USH2A: variants seen among roughly 807,000 people sequenced by gnomAD.
The protein encoded by USH2A is usherin.
Under a neutral mutation model 538.9 loss-of-function variants are expected in USH2A, and 443 were observed. That is an observed-to-expected ratio of 0.82 (90% CI 0.76 to 0.89). The LOEUF is 0.89. Ranked by LOEUF, USH2A falls within the 40% of genes least tolerant of loss-of-function variation. The probability of loss-of-function intolerance (pLI) is 0.00; values close to 1 mark genes in which losing one functional copy is unlikely to be tolerated. For synonymous variants in USH2A, 2,413 were observed against 2,273.5 expected (o/e 1.06, Z -1.75); for missense variants, 6,633 against 6,324.8 (o/e 1.05, Z -1.65).
chr1:216,321,586 T>G (rs947046138), intron 9 of USH2A, among the ~76,000 whole-genome samples: 2 of 152,158 alleles, frequency 1.3e-5, no homozygotes, highest in African/African-American at 4.8e-5. Flanking sequence ...CATTAAAAAT[T>G]GTTTTATAAA....
intron 21 of USH2A, among the ~76,000 whole-genome samples, chr1:216,160,585 A>G (rs536718525): frequency 5.7e-4 from 84 of 146,096 alleles, no homozygotes; most frequent in Middle Eastern, 7.0e-3. Flanking sequence ...CAGCCTGAGC[A>G]ACACAGTAAG....
intron 47 of USH2A, among the ~76,000 whole-genome samples, chr1:215,832,780 G>GA (rs1342673771): frequency 2.6e-5 from 4 of 151,836 alleles, no homozygotes; most frequent in Middle Eastern, 3.4e-3. Flanking sequence ...GATTGGAAAT[G>GA]AAAAAAATAA....
chr1:216,023,459 C>CAAAAAAAAAAAAAAAAAAAAAAAAAAAA, intron 32 of USH2A, among the ~76,000 whole-genome samples: 20 of 46,950 alleles, frequency 4.3e-4, no homozygotes, highest in East Asian at 1.6e-3. Context: ...TCAAAGCAGA[C>CAAAAAAAAAAAAAAAAAAAAAAAAAAAA]AAAAAAAAAA....
At chr1:216,172,470 A>G (rs1320591691) in intron 21 of USH2A, among the ~76,000 whole-genome samples, 1 of 152,080 alleles carries the variant, frequency 6.6e-6, no homozygotes, top group African/African-American at 2.4e-5. Flanking sequence ...GTTTATCTTA[A>G]AGTTATTAAC....
At chr1:216,379,064 A>G (rs1251823981) in intron 3 of USH2A, among the ~76,000 whole-genome samples, 1 of 152,124 alleles carries the variant, frequency 6.6e-6, no homozygotes, top group Admixed American at 6.5e-5. Flanking sequence ...CTTAGAGCCC[A>G]CACTCTGTGC....
chr1:216,403,100 T>A (rs116350977), intron 3 of USH2A, among the ~76,000 whole-genome samples: 2,962 of 152,242 alleles, frequency 0.019, 97 homozygotes, highest in African/African-American at 0.067. Context: ...CCAAGTAGGA[T>A]TTATTTCAGG....
intron 38 of USH2A, among the ~76,000 whole-genome samples, chr1:215,915,329 A>T (rs541379951): frequency 1.1e-4 from 16 of 152,226 alleles, no homozygotes; most frequent in African/African-American, 3.8e-4. Context: ...TCCAACACAC[A>T]GGAACCTAAA....
At chr1:216,175,036 A>G in intron 21 of USH2A, 2 of 1,392,828 alleles carry the variant, frequency 1.4e-6, no homozygotes, top group Non-Finnish European at 1.9e-6. Flanking sequence ...CTTCATCTTC[A>G]TCTTTTATTT....
At chr1:215,718,716 T>C (rs1314949273) in intron 61 of USH2A, among the ~76,000 whole-genome samples, 3 of 135,342 alleles carry the variant, frequency 2.2e-5, no homozygotes, top group African/African-American at 8.2e-5. Context: ...GCTAAGGATA[T>C]GATCTCTTGG....
chr1:216,289,327 C>G lies in USH2A; in HGVS notation c.1924G>C (p.Asp642His), dbSNP rs1363062252. ...PSAIDVCKPC[D>H]CDTVGTRNGS... ...TTTCTAGTGCCAACTGTATCACAGTCACAGGGTTTGCAAACATCTATGGCC... is the reference window on the plus strand; with the variant it reads ...TTTCTAGTGCCAACTGTATCACAGTGACAGGGTTTGCAAACATCTATGGCC... The change falls in exon 11 of 72, where the codon GAC (aspartate) becomes CAC (histidine). Residue 642 changes from aspartate (D) to histidine (H), a missense_variant. Asp to His is a moderately conservative substitution (Grantham distance 81). Coordinates refer to ENST00000307340, the MANE Select transcript of USH2A (RefSeq NM_206933.4). The G allele has an allele frequency of 1.2e-6, 2 of 1,613,994 alleles. No individual in the cohort carries two copies. The highest frequency in any genetic ancestry group is 1.7e-6 in the Non-Finnish European group (2 of 1,179,880).
chr1:215,812,621 G>A (rs1662728073), intron 49 of USH2A, among the ~76,000 whole-genome samples: 1 of 151,994 alleles, frequency 6.6e-6, no homozygotes. Flanking sequence ...CTTTCCTATG[G>A]CCTCCAAAAA....
intron 32 of USH2A, among the ~76,000 whole-genome samples, chr1:216,019,863 TA>T (rs1156607614): frequency 2.0e-5 from 3 of 152,212 alleles, no homozygotes; most frequent in African/African-American, 7.2e-5. Flanking sequence ...TGTAAATAAA[TA>T]TCCTATTAGA....
chr1:216,321,776 T>A, intron 9 of USH2A, 107 bp downstream of exon 9: 6 of 1,050,160 alleles, frequency 5.7e-6, no homozygotes, highest in Non-Finnish European at 8.8e-6. Context: ...TTCATATCAG[T>A]TTTTAAATTT....
chr1:215,768,142 C>T (rs138492939), intron 55 of USH2A, among the ~76,000 whole-genome samples: 45 of 152,272 alleles, frequency 3.0e-4, no homozygotes, highest in African/African-American at 1.1e-3. Flanking sequence ...ATTTTGACCA[C>T]TTTATCTAAA....
intron 27 of USH2A, 21 bp from the exon 28 acceptor site, chr1:216,073,321 A>C: frequency 6.5e-7 from 1 of 1,544,124 alleles, no homozygotes; most frequent in Non-Finnish European, 8.7e-7. Context: ...GTAAGGGATT[A>C]GTATCGCATA....
At chr1:216,197,647 A>G (rs1407817321) in intron 18 of USH2A, among the ~76,000 whole-genome samples, 1 of 152,222 alleles carries the variant, frequency 6.6e-6, no homozygotes, top group African/African-American at 2.4e-5. Flanking sequence ...TGATATCTAC[A>G]GATTAAACAC....
chr1:215,692,869 T>C (rs1345103049), intron 61 of USH2A, among the ~76,000 whole-genome samples: 2 of 152,166 alleles, frequency 1.3e-5, no homozygotes, highest in South Asian at 2.1e-4. Flanking sequence ...TCCTCCCTTA[T>C]GGTAACAAAA....
chr1:215,628,351 C>T (rs1163298430), intron 71 of USH2A, among the ~76,000 whole-genome samples: 2 of 151,990 alleles, frequency 1.3e-5, no homozygotes, highest in Non-Finnish European at 1.5e-5. Flanking sequence ...GGCGCGGTCT[C>T]GGCTCACTGC....
Position 215,879,036 on chromosome 1 carries a change from A to AG in USH2A, c.8285dup (p.Asp2763Ter). The AG allele has an allele frequency of 1.2e-6, 2 of 1,614,092 alleles. No homozygotes were observed. Among genetic ancestry groups the AG allele is most frequent in the Non-Finnish European group, 1.7e-6 (2 of 1,179,962 alleles). Reference sequence around the variant, plus strand: ...CATTGGTTAAAGTGATGTGAGGGTCAGGCATGTGAATCTCATAGCTAAGTA... The same window carrying AG: ...CATTGGTTAAAGTGATGTGAGGGTCAGGGCATGTGAATCTCATAGCTAAGTA... On this transcript the variant is annotated frameshift_variant, in exon 42 of 72. Coordinates refer to ENST00000307340, the MANE Select transcript of USH2A (RefSeq NM_206933.4). LOFTEE classifies it high-confidence loss of function.
Sources: gnomAD v4.1 joint callset for allele counts (sites outside exome capture counted in the v4.1 genomes callset) on GRCh38, gnomAD v4.1.1 for gene constraint, MANE v1.5 for transcripts, NCBI Gene and HGNC (gene_info 2026-07-23, HGNC 2026-07-21) for gene names.